CADM2: variants seen among roughly 807,000 people sequenced by gnomAD.
CADM2 encodes immunoglobulin superfamily member 4D.
CADM2 carries 12 observed loss-of-function variants against 49.8 expected under a neutral mutation model. The ratio of observed to expected loss-of-function variants is 0.24; its 90% CI spans 0.15 to 0.39. The LOEUF is 0.39. Among genes scored for constraint, CADM2 ranks in the 10% least tolerant of loss-of-function variants. The probability of loss-of-function intolerance (pLI) is 1.00; values close to 1 mark genes in which losing one functional copy is unlikely to be tolerated. For synonymous variants in CADM2, 214 were observed against 175.4 expected (o/e 1.22, Z -1.74); for missense variants, 378 against 492.3 (o/e 0.77, Z 2.20).
chr3:85,435,937 G>C (rs2196099), intron 1 of CADM2, among the ~76,000 whole-genome samples: 85,966 of 151,832 alleles, frequency 0.57, 25,329 homozygotes, highest in East Asian at 0.83. Context: ...TTGTCAGATG[G>C]ATAGATTGCA....
chr3:85,879,987 A>T (rs1402340007), intron 3 of CADM2, among the ~76,000 whole-genome samples: 2 of 152,088 alleles, frequency 1.3e-5, no homozygotes, highest in African/African-American at 2.4e-5. Context: ...TTAGAGCCAC[A>T]CCCATGTCCC....
chr3:85,783,012 T>C (rs917983652), intron 2 of CADM2, among the ~76,000 whole-genome samples: 7 of 152,180 alleles, frequency 4.6e-5, no homozygotes, highest in African/African-American at 1.7e-4. Context: ...GTCTTAGAAA[T>C]TTTTATCAAA....
chr3:84,975,717 G>A (rs917228160), intron 1 of CADM2, among the ~76,000 whole-genome samples: 94 of 151,858 alleles, frequency 6.2e-4, no homozygotes, highest in Non-Finnish European at 4.4e-4. Context: ...TGTGTTTTCT[G>A]TTATTTTGCA....
chr3:85,009,970 A>C (rs1215658489), intron 1 of CADM2, among the ~76,000 whole-genome samples: 1 of 152,048 alleles, frequency 6.6e-6, no homozygotes, highest in Middle Eastern at 3.4e-3. Flanking sequence ...TATATACGTT[A>C]TTTCAACTCC....
At chr3:85,170,259 C>T (rs563330736) in intron 1 of CADM2, among the ~76,000 whole-genome samples, 9 of 151,906 alleles carry the variant, frequency 5.9e-5, no homozygotes, top group African/African-American at 1.5e-4. Context: ...TAAGTTGAGC[C>T]GCAGAAAAGT....
intron 1 of CADM2, among the ~76,000 whole-genome samples, chr3:85,480,793 T>C (rs895134298): frequency 6.6e-6 from 1 of 151,742 alleles, no homozygotes; most frequent in Admixed American, 6.6e-5. Flanking sequence ...GAACAATATA[T>C]AGAATTGCAA....
At chr3:84,972,876 A>G (rs966796831) in intron 1 of CADM2, among the ~76,000 whole-genome samples, 1 of 152,050 alleles carries the variant, frequency 6.6e-6, no homozygotes, top group African/African-American at 2.4e-5. Flanking sequence ...CAAAATACAT[A>G]ATTCCTTTCT....
At chr3:85,313,602 A>G (rs2044396610) in intron 1 of CADM2, among the ~76,000 whole-genome samples, 1 of 152,190 alleles carries the variant, frequency 6.6e-6, no homozygotes, top group African/African-American at 2.4e-5. Flanking sequence ...TCGTCAAGGA[A>G]TACAGTGGCA....
At chr3:85,900,475 C>T (rs756347482) in intron 5 of CADM2, among the ~76,000 whole-genome samples, 9 of 152,166 alleles carry the variant, frequency 5.9e-5, no homozygotes, top group Non-Finnish European at 1.2e-4. Flanking sequence ...AATTCTTATA[C>T]ATTGTTGGAA....
chr3:85,016,403 A>T (rs929802443), intron 1 of CADM2, among the ~76,000 whole-genome samples: 2 of 152,250 alleles, frequency 1.3e-5, no homozygotes, highest in African/African-American at 4.8e-5. Context: ...GGATGCAGTT[A>T]TGAGTTTGAA....
intron 1 of CADM2, among the ~76,000 whole-genome samples, chr3:84,999,496 G>A (rs1235515329): frequency 1.3e-5 from 2 of 152,084 alleles, no homozygotes; most frequent in East Asian, 3.8e-4. Context: ...TAGATAGATG[G>A]TACTTATGTA....
intron 1 of CADM2, among the ~76,000 whole-genome samples, chr3:85,170,569 C>T (rs1421076330): frequency 6.6e-6 from 1 of 152,154 alleles, no homozygotes; most frequent in Non-Finnish European, 1.5e-5. Flanking sequence ...AACTCCCAAC[C>T]TCAAGCTTCC....
intron 1 of CADM2, among the ~76,000 whole-genome samples, chr3:85,382,036 T>C (rs1304536475): frequency 6.6e-6 from 1 of 152,010 alleles, no homozygotes; most frequent in Non-Finnish European, 1.5e-5. Context: ...GTGTGATCAG[T>C]TATGAAAAAA....
intron 6 of CADM2, among the ~76,000 whole-genome samples, chr3:85,934,395 G>A (rs1005767146): frequency 3.3e-5 from 5 of 151,956 alleles, no homozygotes; most frequent in African/African-American, 1.2e-4. Context: ...AATTAATAAA[G>A]TATGTTTAAA....
chr3:85,625,738 C>T (rs1378496489), intron 1 of CADM2, among the ~76,000 whole-genome samples: 29 of 151,864 alleles, frequency 1.9e-4, no homozygotes, highest in Non-Finnish European at 5.9e-5. Flanking sequence ...TTGTTCTATG[C>T]TAGGGTATAG....
Position 85,086,246 on chromosome 3 carries a change from T to G in CADM2, c.61+126578T>G, listed in dbSNP as rs182698666. On this transcript the variant is annotated intron_variant, in intron 1 of 9. Transcript: ENST00000383699. Reference sequence around the variant, plus strand: ...ATACAGAAATAAGAGTACGTTAAATTTTTTATGTATATTATTTTTTCCAGT... The same window carrying G: ...ATACAGAAATAAGAGTACGTTAAATGTTTTATGTATATTATTTTTTCCAGT... Among the ~76,000 whole-genome samples, 225 of 152,134 alleles carry G rather than the reference T, an allele frequency of 1.5e-3. 2 individuals carry two copies. The Middle Eastern group carries it at 0.02, about 14-fold the overall frequency.
At chr3:85,516,561 A>G (rs1349363993) in intron 1 of CADM2, among the ~76,000 whole-genome samples, 3 of 152,110 alleles carry the variant, frequency 2.0e-5, no homozygotes, top group African/African-American at 4.8e-5. Flanking sequence ...TAATACAACC[A>G]TTAGTTTCAT....
chr3:85,031,668 C>A (rs1271106352), intron 1 of CADM2, among the ~76,000 whole-genome samples: 2 of 152,062 alleles, frequency 1.3e-5, no homozygotes, highest in East Asian at 1.9e-4. Context: ...GCACACGCCA[C>A]CACGCCCGGC....
chr3:85,628,496 C>T (rs752700290), intron 1 of CADM2, among the ~76,000 whole-genome samples: 26 of 146,490 alleles, frequency 1.8e-4, no homozygotes, highest in Non-Finnish European at 2.7e-4. Context: ...CATTTTCTCA[C>T]CCCCTCTCCC....
Sources: gnomAD v4.1 joint callset for allele counts (sites outside exome capture counted in the v4.1 genomes callset) on GRCh38, gnomAD v4.1.1 for gene constraint, MANE v1.5 for transcripts, NCBI Gene and HGNC (gene_info 2026-07-23, HGNC 2026-07-21) for gene names.